The following KSR1 variants were observed in gnomAD, a reference collection of about 807,000 sequenced individuals.
KSR1 encodes the protein kinase suppressor of ras 1.
A neutral mutation model predicts 92.9 loss-of-function variants in KSR1; 35 were observed. That is an observed-to-expected ratio of 0.38 (90% CI 0.29 to 0.50). The LOEUF (loss-of-function observed/expected upper bound fraction) is 0.50, where lower values mean the gene tolerates loss of function less well. Ranked by LOEUF, KSR1 falls within the 20% of genes least tolerant of loss-of-function variation. The pLI is 0.94. For synonymous variants in KSR1, 467 were observed against 472.6 expected (o/e 0.99, Z 0.15); for missense variants, 972 against 1,158.5 (o/e 0.84, Z 2.34).
At chr17:27,476,511 G>A (rs983595296) in intron 1 of KSR1, among the ~76,000 whole-genome samples, 2 of 152,328 alleles carry the variant, frequency 1.3e-5, no homozygotes, top group East Asian at 3.9e-4. Context: ...CTGTGGTGCC[G>A]TTGGTATGAG....
chr17:27,499,961 G>A (rs537470869), intron 1 of KSR1, among the ~76,000 whole-genome samples: 1 of 152,352 alleles, frequency 6.6e-6, no homozygotes, highest in South Asian at 2.1e-4. Context: ...GACTGGCAGC[G>A]ATTGTAGGGT....
At chr17:27,592,162 G>A (rs1170359533) in intron 7 of KSR1, among the ~76,000 whole-genome samples, 199 bp from the exon 8 acceptor site, 1 of 152,168 alleles carries the variant, frequency 6.6e-6, no homozygotes, top group East Asian at 1.9e-4. Context: ...GCAGAACGTG[G>A]TAAATGCTCA....
intron 18 of KSR1, chr17:27,612,567 C>G (rs2073950433): frequency 6.6e-6 from 1 of 152,232 alleles, no homozygotes; most frequent in African/African-American, 2.4e-5. Flanking sequence ...TTGTGACTCT[C>G]TTTTGATTCT....
chr17:27,478,549 T>A (rs2068412823), intron 1 of KSR1, among the ~76,000 whole-genome samples: 1 of 152,150 alleles, frequency 6.6e-6, no homozygotes, highest in Non-Finnish European at 1.5e-5. Context: ...AAGCGCTTGA[T>A]AAACATGAGC....
In KSR1 at chr17:27,604,682, T is replaced by A. The variant is rs767054910; in HGVS notation, c.1568T>A (p.Leu523His). 7 of 1,613,884 alleles carry A rather than the reference T, an allele frequency of 4.3e-6. No individual in the cohort carries two copies. Among genetic ancestry groups the A allele is most frequent in the Non-Finnish European group, 4.2e-6 (5 of 1,179,888 alleles). ...TGACAAACCTTGTTTACTCTTAGGCTCGATGACCAGCCGAAAGCAGATGTG... is the reference window on the plus strand; with the variant it reads ...TGACAAACCTTGTTTACTCTTAGGCACGATGACCAGCCGAAAGCAGATGTG... ...PLPEAADGTRLDDQPKADVLE... is the reference protein window; with the variant it reads ...PLPEAADGTRHDDQPKADVLE... Residue 523 changes from leucine to histidine, a missense_variant and splice_region_variant, in exon 13 of 21, where the codon CTC becomes CAC. By Grantham distance (99) the Leu-to-His change is moderately conservative. Transcript: ENST00000644974.
intron 17 of KSR1, 121 bp downstream of exon 17, chr17:27,610,319 T>C (rs1367849665): frequency 2.2e-6 from 3 of 1,386,440 alleles, no homozygotes; most frequent in Non-Finnish European, 3.0e-6. Flanking sequence ...GAGTAAAAAA[T>C]CAACCTTGAG....
At chr17:27,505,410 A>G (rs571454283) in intron 1 of KSR1, among the ~76,000 whole-genome samples, 1 of 152,326 alleles carries the variant, frequency 6.6e-6, no homozygotes, top group South Asian at 2.1e-4. Context: ...TTCTTCATCC[A>G]AGAAGGTGCC....
At chr17:27,516,478 C>T (rs1403555302) in intron 1 of KSR1, among the ~76,000 whole-genome samples, 2 of 152,078 alleles carry the variant, frequency 1.3e-5, no homozygotes, top group South Asian at 2.1e-4. Flanking sequence ...CCTTTGTCCT[C>T]GCTCCCTTTC....
chr17:27,572,463 G>C (rs903016304), intron 2 of KSR1, among the ~76,000 whole-genome samples: 1 of 152,232 alleles, frequency 6.6e-6, no homozygotes, highest in Non-Finnish European at 1.5e-5. Flanking sequence ...GTAATTCCTT[G>C]GAGGCAGTAC....
intron 1 of KSR1, among the ~76,000 whole-genome samples, chr17:27,487,781 A>AG (rs1277289931): frequency 2.6e-5 from 4 of 152,080 alleles, no homozygotes; most frequent in Admixed American, 6.6e-5. Flanking sequence ...CCGAAGGTGA[A>AG]GGGGGAGCAG....
At chr17:27,553,786 G>A (rs908974882) in intron 2 of KSR1, among the ~76,000 whole-genome samples, 2 of 152,206 alleles carry the variant, frequency 1.3e-5, no homozygotes, top group Admixed American at 1.3e-4. Context: ...ATTTCCTTTA[G>A]TAAACCCAGC....
At chr17:27,621,809 T>A in intron 20 of KSR1, 17 of 931,506 alleles carry the variant, frequency 1.8e-5, no homozygotes, top group African/African-American at 3.3e-5. Flanking sequence ...CCTTTCTCTC[T>A]GGAAGAGAAA....
intron 1 of KSR1, among the ~76,000 whole-genome samples, chr17:27,498,301 G>A (rs1033744413): frequency 7.1e-6 from 1 of 140,906 alleles, no homozygotes; most frequent in East Asian, 2.1e-4. Context: ...TTGCACCACT[G>A]CACTCCAGCC....
At chr17:27,536,606 A>G (rs1283914629) in intron 1 of KSR1, among the ~76,000 whole-genome samples, 1 of 152,224 alleles carries the variant, frequency 6.6e-6, no homozygotes, top group African/African-American at 2.4e-5. Context: ...CCATGCCTGC[A>G]AGATTGAGTG....
intron 1 of KSR1, among the ~76,000 whole-genome samples, chr17:27,549,091 G>A (rs1229698773): frequency 6.6e-6 from 1 of 152,156 alleles, no homozygotes; most frequent in East Asian, 1.9e-4. Flanking sequence ...TCGGATTTTG[G>A]GTTTTTGGAT....
intron 2 of KSR1, among the ~76,000 whole-genome samples, chr17:27,563,493 A>G (rs946967600): frequency 2.6e-5 from 4 of 152,134 alleles, no homozygotes; most frequent in African/African-American, 9.7e-5. Context: ...CCTGGCTTCA[A>G]GTGATCCTCC....
intron 1 of KSR1, among the ~76,000 whole-genome samples, chr17:27,522,576 C>CCTCT (rs2070086920): frequency 6.6e-6 from 1 of 152,160 alleles, no homozygotes; most frequent in Non-Finnish European, 1.5e-5. Flanking sequence ...CCTGAGAGCT[C>CCTCT]CAGGGAAAAG....
rs1037700299 is a variant in KSR1 at position 27,613,645 on chromosome 17, T to C, written c.2493+2016T>C. 2.0e-5 allele frequency among the ~76,000 whole-genome samples: 3 copies of C among 152,196 alleles called. No homozygotes were observed. The East Asian group carries it at 5.8e-4, about 29-fold the overall frequency. The stretch of plus-strand genomic sequence containing the variant: ...CAAAAACATCTGTTGTAAACACTTG[T>C]GGGGCAGGATGGAGGTTCTCCAGGG... On this transcript the variant is annotated intron_variant, in intron 18 of 20. Transcript: ENST00000644974.
chr17:27,590,265 CT>C (rs2073118905), intron 6 of KSR1, among the ~76,000 whole-genome samples: 1 of 152,166 alleles, frequency 6.6e-6, no homozygotes, highest in Admixed American at 6.5e-5. Flanking sequence ...TTGTACCTTA[CT>C]TTTTTAACTT....
Sources: gnomAD v4.1 joint callset for allele counts (sites outside exome capture counted in the v4.1 genomes callset) on GRCh38, gnomAD v4.1.1 for gene constraint, MANE v1.5 for transcripts, NCBI Gene and HGNC (gene_info 2026-07-23, HGNC 2026-07-21) for gene names.